The following RNF135 variants were observed in gnomAD, a reference collection of about 807,000 sequenced individuals.
RNF135 encodes ring finger protein 135, also known as E3 ubiquitin-protein ligase RNF135.
Under a neutral mutation model 41.9 loss-of-function variants are expected in RNF135, and 46 were observed. That is an observed-to-expected ratio of 1.10 (90% CI 0.87 to 1.40). The LOEUF is 1.40. Ranked by LOEUF, RNF135 falls within the 40% of genes most tolerant of loss-of-function variation. The probability of loss-of-function intolerance (pLI) is 0.00; values close to 1 mark genes in which losing one functional copy is unlikely to be tolerated. For missense variants in RNF135, 539 were observed against 549.8 expected, an observed-to-expected ratio of 0.98 and a Z score of 0.20; for synonymous variants, 238 against 223.8, an observed-to-expected ratio of 1.06 and a Z score of -0.57.
chr17:30,971,821 TCG>T (rs1327558483), intron 1 of RNF135: 1 of 721,298 alleles, frequency 1.4e-6, no homozygotes, highest in Non-Finnish European at 1.8e-6. Context: ...TCTCGCTCTG[TCG>T]CCCAGGCTGG....
intron 1 of RNF135, 40 bp downstream of exon 1, chr17:30,971,485 G>T: frequency 6.9e-7 from 1 of 1,454,556 alleles, no homozygotes; most frequent in South Asian, 1.4e-5. Context: ...GCTCCCCCGG[G>T]CTGCCCGCCG....
At chr17:30,996,764 G>A (rs1217789892) in intron 3 of RNF135, among the ~76,000 whole-genome samples, 1 of 152,158 alleles carries the variant, frequency 6.6e-6, no homozygotes, top group Non-Finnish European at 1.5e-5. Context: ...TTAGCACATC[G>A]AGAGGGAATT....
chr17:30,971,348 T>C lies in RNF135; in HGVS notation c.275T>C (p.Ile92Thr). 1.3e-6 allele frequency: 2 copies of C among 1,532,176 alleles called. No homozygotes were observed. Among genetic ancestry groups the C allele is most frequent in the South Asian group, 2.4e-5 (2 of 83,208 alleles). The allele number at this position is 1,532,176 out of a possible 1,614,324, so 94.9% of individuals were successfully genotyped here. A position where few individuals can be genotyped will look rare whatever the true frequency, so the allele number is the denominator to read the frequency against. ...ADKYRRAARE[I>T]QAGSDPAHCP... ...AAGTACCGCCGCGCCGCACGCGAGA[T>C]ACAGGCGGGCTCCGACCCTGCCCAC... is the stretch of plus-strand genomic sequence containing the variant. The change falls in exon 1 of 5, where the codon ATA (isoleucine) becomes ACA (threonine). Residue 92 changes from isoleucine to threonine, a missense_variant. Transcript: ENST00000328381.
rs9902406 is a variant in RNF135, at chr17:30,988,397, C to G, written c.679+291C>G. On this transcript the variant is annotated intron_variant, in intron 3 of 4. Coordinates refer to ENST00000328381, the MANE Select transcript of RNF135 (RefSeq NM_032322.4). ...AGTGTGTTATCTTACTGCAGAGATT[C>G]TGAAATAGGCCACTTTTAATTTTTT... Among the ~76,000 whole-genome samples the G allele has an allele frequency of 2.6e-3, 346 of 131,468 alleles. 2 individuals carry two copies. Among genetic ancestry groups the G allele is most frequent in the African/African-American group, 8.9e-3 (309 of 34,824 alleles). 86.2% of individuals were successfully genotyped at this position (131,468 alleles called of 152,430 possible). A position where few individuals can be genotyped will look rare whatever the true frequency, so the allele number is the denominator to read the frequency against.
intron 3 of RNF135, among the ~76,000 whole-genome samples, chr17:30,994,110 T>A (rs1412631954): frequency 5.3e-5 from 8 of 152,232 alleles, no homozygotes; most frequent in African/African-American, 1.4e-4. Flanking sequence ...CAGCCAAACA[T>A]TTTTTAAAAA....
At chr17:30,970,996 A>C (rs1409917718), upstream of RNF135, 4 of 1,521,948 alleles carry the variant, frequency 2.6e-6, no homozygotes, top group Non-Finnish European at 2.6e-6. Context: ...GGCAAGGGGA[A>C]GAGGAAGGGC....
rs753981397 is a variant in RNF135 at position 30,988,101 on chromosome 17, T to C, written c.674T>C (p.Met225Thr). The C allele has an allele frequency of 5.0e-6, 8 of 1,613,838 alleles. No homozygotes were observed. The highest frequency in any genetic ancestry group is 5.9e-6 in the Non-Finnish European group (7 of 1,179,936). Residue 225 changes from methionine to threonine, a missense_variant, in exon 3 of 5, where the codon ATG (methionine) becomes ACG (threonine). Around this residue, in one of 2 missense-constraint regions of RNF135, gnomAD observed 262 missense variants for 336.9 expected, o/e 0.78. Transcript: ENST00000328381. Reference sequence around the variant, plus strand: ...TGGAAAGAGGCTCCTGAAGCACAAATGCAGGGTGAGCTGATCTTATTTATT... The same window carrying C: ...TGGAAAGAGGCTCCTGAAGCACAAACGCAGGGTGAGCTGATCTTATTTATT... The part of the protein sequence containing the change: ...VTWKEAPEAQ[M>T]QGELLEAPSS...
At position 30,998,922 on chromosome 17, in the gene RNF135, A is replaced by G; in HGVS notation, c.1030A>G (p.Met344Val). 6 of 1,613,544 alleles carry G rather than the reference A, an allele frequency of 3.7e-6. No homozygotes were observed. Among genetic ancestry groups the G allele is most frequent in the South Asian group, 1.1e-5 (1 of 91,066 alleles). ...MSRDQVLGRTMDSCCVEWKGT... is the reference protein window; with the variant it reads ...MSRDQVLGRTVDSCCVEWKGT... ...CCGCGACCAGGTCCTGGGAAGGACT[A>G]TGGACTCTTGTTGTGTGGAATGGAA... The change falls in exon 5 of 5, where the codon ATG becomes GTG. Residue 344 changes from methionine to valine, a missense_variant. Physicochemically the swap from Met to Val is conservative, Grantham distance 21 (BLOSUM62 1). This residue lies in a region of RNF135 where 262 missense variants were observed against 336.9 expected (regional missense o/e 0.78). Coordinates refer to ENST00000328381, the MANE Select transcript of RNF135 (RefSeq NM_032322.4).
At chr17:30,970,052 C>T (rs1015062193), upstream of RNF135, 14 of 152,186 alleles carry the variant, frequency 9.2e-5, no homozygotes, top group African/African-American at 3.4e-4. Context: ...TTATCTGATA[C>T]CTACTTTGAG....
intron 3 of RNF135, chr17:30,993,814 T>A (rs1003569823): frequency 3.3e-6 from 3 of 918,498 alleles, no homozygotes; most frequent in African/African-American, 3.4e-5. Flanking sequence ...ATTAATTAAT[T>A]AATTAATTTT....
At chr17:30,960,532 G>A in the RNF135 span, among the ~76,000 whole-genome samples, 5 of 151,958 alleles carry the variant, frequency 3.3e-5, no homozygotes, top group Admixed American at 2.6e-4. Flanking sequence ...CTGCACTCCA[G>A]CCTGGGTGAC....
chr17:30,997,466 CG>C (rs1567750474), intron 4 of RNF135, 135 bp downstream of exon 4: 1 of 788,812 alleles, frequency 1.3e-6, no homozygotes, highest in Non-Finnish European at 2.2e-6. Flanking sequence ...GGTCCCTCCA[CG>C]GGGGGAGCTG....
chr17:30,976,005 T>G, intron 1 of RNF135: 1 of 326,826 alleles, frequency 3.1e-6, no homozygotes, highest in Non-Finnish European at 5.7e-6. Flanking sequence ...ACTAAAAAAA[T>G]TTTTTTTGTT....
At chr17:30,983,353 A>ATATATTTTTTTTTTTTTTT (rs1420453160) in intron 1 of RNF135, among the ~76,000 whole-genome samples, 2 of 35,734 alleles carry the variant, frequency 5.6e-5, no homozygotes, top group African/African-American at 1.8e-4. Context: ...ATATATATAT[A>ATATATTTTTTTTTTTTTTT]TTTTTTTTTT....
At position 30,998,986 on chromosome 17, in the gene RNF135, A is replaced by C; in HGVS notation, c.1094A>C (p.Glu365Ala). ...SQLSAWHMVK[E>A]TVLGSDRPGV... ...CTCTCTGCATGGCACATGGTCAAGG[A>C]AACTGTCCTTGGCTCAGACAGACCT... The change falls in exon 5 of 5, where the codon GAA becomes GCA. Residue 365 changes from glutamate (E) to alanine (A), a missense_variant. This residue lies in a region of RNF135 where 262 missense variants were observed against 336.9 expected (regional missense o/e 0.78). Transcript: ENST00000328381. 1 of 1,614,102 alleles carries C rather than the reference A, an allele frequency of 6.2e-7. No individual in the cohort carries two copies. Among genetic ancestry groups the C allele is most frequent in the East Asian group, 2.2e-5 (1 of 44,876 alleles).
chr17:30,982,679 A>G (rs1485646658), intron 1 of RNF135, among the ~76,000 whole-genome samples: 1 of 152,090 alleles, frequency 6.6e-6, no homozygotes, highest in Non-Finnish European at 1.5e-5. Context: ...CTATTTGGCT[A>G]TCTTGCTCTG....
At position 30,998,626 on chromosome 17, in the gene RNF135, G is replaced by A. The variant is rs757160445; in HGVS notation, c.770-36G>A. 27 of 1,605,180 alleles carry A rather than the reference G, an allele frequency of 1.7e-5. No individual in the cohort carries two copies. In the East Asian group the frequency reaches 2.2e-4, roughly 13 times the overall value. On this transcript the variant is annotated intron_variant, in intron 4 of 4. Transcript: ENST00000328381. ...TAGCATGGACCATCAAAAGATGACC[G>A]GCCATGTTCTTATTGTTCTTTTTTT... is the stretch of plus-strand genomic sequence containing the variant.
At chr17:30,973,690 T>G (rs1906200063) in intron 1 of RNF135, among the ~76,000 whole-genome samples, 1 of 152,170 alleles carries the variant, frequency 6.6e-6, no homozygotes, top group Admixed American at 6.5e-5. Flanking sequence ...GGTCTTGAAC[T>G]GCTGACCTCA....
rs149141428 is a variant in RNF135 at position 30,982,248 on chromosome 17, G to A, written c.373-2369G>A. On this transcript the variant is annotated intron_variant, in intron 1 of 4. Coordinates refer to ENST00000328381, the MANE Select transcript of RNF135 (RefSeq NM_032322.4). Reference sequence around the variant, plus strand: ...TTTCAAGTTTATTTAGAGCCCCAGAGCACTTCAGCCCACAGTGGAGAGGCT... The same window carrying A: ...TTTCAAGTTTATTTAGAGCCCCAGAACACTTCAGCCCACAGTGGAGAGGCT... Among the ~76,000 whole-genome samples, 27 of 152,286 alleles carry A rather than the reference G, an allele frequency of 1.8e-4. No homozygotes were observed. The South Asian group carries it at 2.1e-3, about 12-fold the overall frequency.
Sources: gnomAD v4.1 joint callset for allele counts (sites outside exome capture counted in the v4.1 genomes callset) on GRCh38, gnomAD v4.1.1 for gene constraint, gnomAD v4.1.1 regional missense constraint, MANE v1.5 for transcripts, NCBI Gene and HGNC (gene_info 2026-07-23, HGNC 2026-07-21) for gene names.